Variants in MYOF observed in about 807,000 individuals in gnomAD.
MYOF encodes myoferlin.
MYOF carries 244 observed loss-of-function variants against 284.2 expected under a neutral mutation model. The ratio of observed to expected loss-of-function variants is 0.86; its 90% confidence interval spans 0.77 to 0.95. MYOF has a LOEUF of 0.95. Among genes scored for constraint, MYOF ranks in the 40% least tolerant of loss-of-function variants. The pLI, the probability that MYOF is intolerant of heterozygous loss-of-function variation, is 0.00. For synonymous variants in MYOF, 904 were observed against 919.7 expected, an observed-to-expected ratio of 0.98 and a Z score of 0.31; for missense variants, 2,496 against 2,560.6, an observed-to-expected ratio of 0.97 and a Z score of 0.54.
chr10:93,406,536 G>A (rs1001760071), intron 7 of MYOF, among the ~76,000 whole-genome samples: 5 of 120,548 alleles, frequency 4.1e-5, no homozygotes, highest in African/African-American at 1.4e-4. Context: ...TACGCGTTAG[G>A]CCCAAGTAAT....
intron 48 of MYOF, among the ~76,000 whole-genome samples, chr10:93,322,266 A>G (rs1842874513): frequency 6.6e-6 from 1 of 152,200 alleles, no homozygotes; most frequent in South Asian, 2.1e-4. Context: ...TTCATGTATC[A>G]AGGAATCAAA....
intron 38 of MYOF, chr10:93,341,897 T>C (rs946636057): frequency 1.6e-6 from 2 of 1,289,018 alleles, no homozygotes; most frequent in African/African-American, 3.0e-5. Context: ...CTCATGCATT[T>C]GCTTATCATA....
At chr10:93,456,982 A>T in intron 1 of MYOF, 45 bp from the exon 2 acceptor site, 1 of 1,453,264 alleles carries the variant, frequency 6.9e-7, no homozygotes, top group African/African-American at 1.4e-5. Flanking sequence ...TTATAAAAAA[A>T]TTAAAGAGCG....
chr10:93,416,245 G>A (rs1196138351), intron 5 of MYOF, among the ~76,000 whole-genome samples: 3 of 152,198 alleles, frequency 2.0e-5, no homozygotes, highest in African/African-American at 4.8e-5. Flanking sequence ...TCGGCCGGGC[G>A]TCGTGGCTCA....
At chr10:93,457,784 A>G (rs1305120830) in intron 1 of MYOF, among the ~76,000 whole-genome samples, 1 of 148,412 alleles carries the variant, frequency 6.7e-6, no homozygotes, top group Non-Finnish European at 1.5e-5. Context: ...CCCAGGCTGG[A>G]GTATAGTGGC....
chr10:93,351,139 T>C, intron 35 of MYOF, 58 bp downstream of exon 35: 4 of 1,534,380 alleles, frequency 2.6e-6, no homozygotes, highest in Non-Finnish European at 3.6e-6. Context: ...TACAAAAGAT[T>C]CCTGTCCTGC....
chr10:93,358,740 GC>G (rs1161874773), intron 29 of MYOF, among the ~76,000 whole-genome samples: 12 of 152,158 alleles, frequency 7.9e-5, no homozygotes, highest in Admixed American at 7.2e-4. Context: ...ACAGGTGGGA[GC>G]TGAACAATGA....
At chr10:93,325,686 A>G in intron 46 of MYOF, 140 bp downstream of exon 46, 1 of 1,142,720 alleles carries the variant, frequency 8.8e-7, no homozygotes, top group Non-Finnish European at 1.2e-6. Context: ...TTCCCTTTTG[A>G]TATGACGCTA....
rs776695208 is a variant in MYOF, at chr10:93,325,830, G to A, written c.5267C>T (p.Ser1756Phe). 6.2e-7 allele frequency: 1 copy of A among 1,612,154 alleles called. No homozygotes were observed. Among genetic ancestry groups the A allele is most frequent in the Admixed American group, 1.7e-5 (1 of 59,566 alleles). Residue 1756 changes from serine (S) to phenylalanine (F), a missense_variant, in exon 46 of 54, where the codon TCC (serine) becomes TTC (phenylalanine). This residue lies in a region of MYOF where 2,436 missense variants were observed against 2,480.7 expected (regional missense o/e 0.98). Coordinates refer to ENST00000359263, the MANE Select transcript of MYOF (RefSeq NM_013451.4). The part of the protein sequence containing the change: ...TLHSTFQPNI[S>F]QGKLQMWVDV... Reference sequence around the variant, plus strand: ...AAGGGAGGGAAGGCCCTTTACCTGGGAAATGTTGGGCTGGAAGGTGCTGTG... The same window carrying A: ...AAGGGAGGGAAGGCCCTTTACCTGGAAAATGTTGGGCTGGAAGGTGCTGTG...
rs140108795 is a variant in MYOF, at chr10:93,326,043, C to A, written c.5132-78G>T. ...CCAGATTGCCTAGAGCTGCTTCCAG[C>A]ACTTCATCCCAGACTTTGCCAAAAT... On this transcript the variant is annotated intron_variant, in intron 45 of 53. Transcript: ENST00000359263. 3.2e-4 allele frequency: 511 copies of A among 1,577,576 alleles called. 3 individuals carry two copies. The African/African-American group carries it at 6.4e-3, about 20-fold the overall frequency.
rs571026253 is a variant in MYOF at position 93,353,097 on chromosome 10, T to TAA, written c.3481+713_3481+714insTT. ...GGCAAATGGGAAATGGGTTAAGAGGTGTTTTCATAGAAGGCCCAGGGAAAC... is the reference window on the plus strand; with the variant it reads ...GGCAAATGGGAAATGGGTTAAGAGGTAAGTTTTCATAGAAGGCCCAGGGAAAC... On this transcript the variant is annotated intron_variant, in intron 32 of 53. Transcript: ENST00000359263. 5.0e-3 allele frequency among the ~76,000 whole-genome samples: 758 copies of TAA among 152,128 alleles called. 6 individuals carry two copies. The highest frequency in any genetic ancestry group is 0.017 in the African/African-American group (696 of 41,480).
chr10:93,359,969 T>C lies in MYOF; in HGVS notation c.2984A>G (p.Tyr995Cys), dbSNP rs375289964. Residue 995 changes from tyrosine to cysteine, a missense_variant, in exon 29 of 54, where the codon TAT becomes TGT. By Grantham distance (194) the Tyr-to-Cys change is radical (BLOSUM62 -2). Transcript: ENST00000359263. ...NRAVDEKGWE[Y>C]GITIPPDHKP... ...ATGATCAGGAGGAATGGTGATTCCA[T>C]ATTCCCAGCCTGGAACAGAGTTTGT... 3 of 1,614,090 alleles carry C rather than the reference T, an allele frequency of 1.9e-6. No homozygotes were observed. Among genetic ancestry groups the C allele is most frequent in the African/African-American group, 1.3e-5 (1 of 74,928 alleles).
chr10:93,425,468 A>G (rs1848549148), intron 5 of MYOF, among the ~76,000 whole-genome samples: 2 of 151,966 alleles, frequency 1.3e-5, no homozygotes, highest in African/African-American at 4.8e-5. Context: ...CTCAGCCCCA[A>G]CCCCACCTAG....
intron 17 of MYOF, 30 bp downstream of exon 17, chr10:93,392,887 T>C (rs772600550): frequency 1.3e-5 from 20 of 1,595,174 alleles, no homozygotes; most frequent in South Asian, 7.7e-5. Flanking sequence ...TAGGAAGATA[T>C]AACAGAGAGC....
At chr10:93,320,060 C>T in intron 48 of MYOF, 47 bp from the exon 49 acceptor site, 1 of 1,605,550 alleles carries the variant, frequency 6.2e-7, no homozygotes. Flanking sequence ...ATTGACAAGT[C>T]ATGTAGCCGC....
At chr10:93,378,683 G>A (rs978672661) in intron 21 of MYOF, among the ~76,000 whole-genome samples, 13 of 63,992 alleles carry the variant, frequency 2.0e-4, no homozygotes, top group Admixed American at 8.4e-4. Flanking sequence ...GTGTGTGTAT[G>A]TGTGTGTGTG....
chr10:93,400,352 A>T (rs1847218881), intron 12 of MYOF, among the ~76,000 whole-genome samples: 1 of 146,344 alleles, frequency 6.8e-6, no homozygotes, highest in Non-Finnish European at 1.5e-5. Context: ...TTAAATAGAG[A>T]CAGTAGTCTT....
intron 2 of MYOF, among the ~76,000 whole-genome samples, chr10:93,452,660 A>T (rs2056626841): frequency 6.6e-6 from 1 of 152,002 alleles, no homozygotes; most frequent in Non-Finnish European, 1.5e-5. Context: ...CATATGTAAC[A>T]AACCTGCACT....
At chr10:93,413,703 C>A (rs1847998053) in intron 5 of MYOF, among the ~76,000 whole-genome samples, 2 of 152,182 alleles carry the variant, frequency 1.3e-5, no homozygotes, top group Admixed American at 1.3e-4. Flanking sequence ...GAAATGTATT[C>A]TCTGGCTAGG....
Sources: gnomAD v4.1 joint callset for allele counts (sites outside exome capture counted in the v4.1 genomes callset) on GRCh38, gnomAD v4.1.1 for gene constraint, gnomAD v4.1.1 regional missense constraint, MANE v1.5 for transcripts, NCBI Gene and HGNC (gene_info 2026-07-23, HGNC 2026-07-21) for gene names.